Variants in PARP16 observed in about 807,000 individuals in gnomAD.
PARP16 encodes the protein poly(ADP-ribose) polymerase family member 16, also known as protein mono-ADP-ribosyltransferase PARP16.
Under a neutral mutation model 35.0 loss-of-function variants are expected in PARP16, and 31 were observed. The ratio of observed to expected loss-of-function variants is 0.88; its 90% CI spans 0.66 to 1.19. PARP16 has a LOEUF of 1.19. PARP16 is among the 50% of genes most tolerant of loss of function. PARP16 has a pLI of 0.00. For synonymous variants in PARP16, 162 were observed against 169.5 expected, an observed-to-expected ratio of 0.96 and a Z score of 0.34; for missense variants, 424 against 411.2, an observed-to-expected ratio of 1.03 and a Z score of -0.27.
intron 3 of PARP16, among the ~76,000 whole-genome samples, chr15:65,265,620 G>C (rs1391560428): frequency 1.3e-5 from 2 of 152,190 alleles, no homozygotes; most frequent in African/African-American, 2.4e-5. Flanking sequence ...TCCAAGGGCT[G>C]ATTTCCTGGA....
downstream of PARP16, among the ~76,000 whole-genome samples, chr15:65,253,979 G>A (rs771372432): frequency 1.3e-5 from 2 of 151,954 alleles, no homozygotes; most frequent in African/African-American, 2.4e-5. Flanking sequence ...CACCACACCC[G>A]GCTAATTTTT....
chr15:65,281,139 T>G (rs2090412382), intron 1 of PARP16, among the ~76,000 whole-genome samples: 1 of 152,024 alleles, frequency 6.6e-6, no homozygotes, highest in Non-Finnish European at 1.5e-5. Context: ...AACATGCTAT[T>G]TCGGGAGGGA....
At chr15:65,237,901 G>T (rs1188815319) in intron 3 of PARP16, among the ~76,000 whole-genome samples, 1 of 152,202 alleles carries the variant, frequency 6.6e-6, no homozygotes, top group East Asian at 1.9e-4. Context: ...ACCTCTAAAT[G>T]TTGGGGTGCC....
intron 3 of PARP16, among the ~76,000 whole-genome samples, chr15:65,247,658 C>T (rs1340764612): frequency 4.6e-5 from 7 of 152,128 alleles, no homozygotes; most frequent in Non-Finnish European, 1.0e-4. Flanking sequence ...CCTGTCTACC[C>T]AGGCAAGGGA....
intron 3 of PARP16, among the ~76,000 whole-genome samples, chr15:65,264,413 A>C (rs2089829215): frequency 6.6e-6 from 1 of 152,240 alleles, no homozygotes; most frequent in South Asian, 2.1e-4. Context: ...CAGTATCTCA[A>C]GATAAGTGGA....
At chr15:65,264,422 G>A (rs1279444541) in intron 3 of PARP16, among the ~76,000 whole-genome samples, 1 of 152,208 alleles carries the variant, frequency 6.6e-6, no homozygotes, top group African/African-American at 2.4e-5. Flanking sequence ...AAGATAAGTG[G>A]ACTTGAATAG....
At chr15:65,235,401 A>G (rs1256054412) in intron 3 of PARP16, among the ~76,000 whole-genome samples, 1 of 152,106 alleles carries the variant, frequency 6.6e-6, no homozygotes, top group Non-Finnish European at 1.5e-5. Context: ...CTAGCCACGG[A>G]TGTCACACAG....
At chr15:65,241,851 G>A (rs181366096) in intron 3 of PARP16, among the ~76,000 whole-genome samples, 19 of 152,150 alleles carry the variant, frequency 1.2e-4, no homozygotes, top group Admixed American at 7.9e-4. Flanking sequence ...ACCGACAGTT[G>A]TCTTTTCGTT....
chr15:65,277,307 T>C (rs2090288455), intron 1 of PARP16, among the ~76,000 whole-genome samples: 1 of 152,174 alleles, frequency 6.6e-6, no homozygotes, highest in South Asian at 2.1e-4. Context: ...TGTATTCTAT[T>C]GTGTTCAGCA....
intron 2 of PARP16, among the ~76,000 whole-genome samples, chr15:65,270,418 G>A (rs1321066286): frequency 5.3e-5 from 8 of 152,166 alleles, no homozygotes; most frequent in Admixed American, 2.0e-4. Context: ...CAGAGCATGA[G>A]GTTTTCCACT....
In PARP16 at chr15:65,277,919, C is replaced by T. The variant is rs1009655488; in HGVS notation, c.175-6847G>A. On this transcript the variant is annotated intron_variant, in intron 1 of 5. Transcript: ENST00000649807. ...CAGTATAGGGGTATGTGGAAGAAATCACCATCTAGGCAAGCATTCTGAATC... is the reference window on the plus strand; with the variant it reads ...CAGTATAGGGGTATGTGGAAGAAATTACCATCTAGGCAAGCATTCTGAATC... 3.3e-5 allele frequency among the ~76,000 whole-genome samples: 5 copies of T among 152,274 alleles called. No homozygotes were observed. In the East Asian group the frequency reaches 7.7e-4, roughly 23 times the overall value.
intron 2 of PARP16, among the ~76,000 whole-genome samples, chr15:65,252,286 T>C (rs1372385610): frequency 2.6e-5 from 4 of 152,158 alleles, no homozygotes; most frequent in Admixed American, 6.5e-5. Context: ...GAACAACAGA[T>C]GGACTTATCC....
downstream of PARP16, among the ~76,000 whole-genome samples, chr15:65,255,097 A>C (rs2089462277): frequency 6.6e-6 from 1 of 152,074 alleles, no homozygotes; most frequent in African/African-American, 2.4e-5. Flanking sequence ...CTCCAACTAA[A>C]CCACTTTCAC....
downstream of PARP16, among the ~76,000 whole-genome samples, chr15:65,255,749 AAAAAAAAAAAAAG>A (rs889394489): frequency 3.3e-5 from 5 of 151,094 alleles, no homozygotes; most frequent in Non-Finnish European, 5.9e-5. Context: ...CTCAGAAAAA[AAAAAAAAAAAAAG>A]AAAAAAAAAA....
exon 4 of PARP16, chr15:65,234,777 ACTCT>A (rs898346003): frequency 1.1e-4 from 17 of 152,172 alleles, no homozygotes; most frequent in Admixed American, 3.3e-4. Flanking sequence ...ATGTGGCCTC[ACTCT>A]CTCTATGTGG....
intron 1 of PARP16, 94 bp downstream of exon 1, chr15:65,286,159 G>A: frequency 9.5e-7 from 1 of 1,051,586 alleles, no homozygotes; most frequent in Non-Finnish European, 1.3e-6. Flanking sequence ...CGGCTGTCAT[G>A]TTTACTAATG....
At chr15:65,240,099 G>A (rs940148996) in intron 3 of PARP16, among the ~76,000 whole-genome samples, 3 of 151,356 alleles carry the variant, frequency 2.0e-5, no homozygotes, top group Admixed American at 1.3e-4. Context: ...AAGTAGCTGG[G>A]ACTACAGGCA....
At chr15:65,284,936 G>A (rs1447802745) in intron 1 of PARP16, among the ~76,000 whole-genome samples, 6 of 147,914 alleles carry the variant, frequency 4.1e-5, no homozygotes, top group Non-Finnish European at 7.4e-5. Context: ...TCCCGCCTCA[G>A]CCTCCCAAGT....
At chr15:65,272,707 T>C (rs1407490612) in intron 1 of PARP16, among the ~76,000 whole-genome samples, 1 of 152,050 alleles carries the variant, frequency 6.6e-6, no homozygotes, top group Non-Finnish European at 1.5e-5. Flanking sequence ...TTTTTCCAAT[T>C]CTCCTCTTTC....
Sources: allele counts gnomAD v4.1 joint callset (sites outside exome capture counted in the v4.1 genomes callset), GRCh38; gene constraint gnomAD v4.1.1; transcripts MANE v1.5; gene names NCBI Gene and HGNC (gene_info 2026-07-23, HGNC 2026-07-21).